GGH: variants seen among roughly 807,000 people sequenced by gnomAD.
GGH encodes the protein gamma-Glu-X carboxypeptidase.
Under a neutral mutation model 39.2 loss-of-function variants are expected in GGH, and 18 were observed. The ratio of observed to expected loss-of-function variants is 0.46; its 90% CI spans 0.32 to 0.68. The LOEUF is 0.68. GGH is among the 30% of genes least tolerant of loss of function. The pLI, the probability that GGH is intolerant of heterozygous loss-of-function variation, is 0.04. For missense variants in GGH, 367 were observed against 384.1 expected (o/e 0.96, Z 0.37); for synonymous variants, 147 against 138.8 (o/e 1.06, Z -0.42).
chr8:63,034,961 A>G (rs1447420359), intron 2 of GGH, among the ~76,000 whole-genome samples: 5 of 152,102 alleles, frequency 3.3e-5, no homozygotes, highest in African/African-American at 1.2e-4. Flanking sequence ...GAAGTCTGAG[A>G]TTTCAATGAA....
intron 8 of GGH, among the ~76,000 whole-genome samples, chr8:63,016,815 CTG>C (rs1481530119): frequency 6.6e-6 from 1 of 152,174 alleles, no homozygotes; most frequent in Non-Finnish European, 1.5e-5. Flanking sequence ...ATGAATATGT[CTG>C]TGTTTTCATC....
chr8:63,027,674 T>C (rs2129661564), intron 3 of GGH, among the ~76,000 whole-genome samples: 1 of 152,296 alleles, frequency 6.6e-6, no homozygotes, highest in South Asian at 2.1e-4. Flanking sequence ...GGGTAGGTTT[T>C]AGCTCACAAA....
At chr8:63,032,372 G>A (rs989914951) in intron 2 of GGH, among the ~76,000 whole-genome samples, 16 of 152,116 alleles carry the variant, frequency 1.1e-4, no homozygotes, top group East Asian at 3.9e-4. Context: ...AACAAAACAC[G>A]TTTTTAAACC....
Position 63,030,198 on chromosome 8 carries a change from C to T in GGH, c.244G>A (p.Asp82Asn). 1 of 1,443,130 alleles carries T rather than the reference C, an allele frequency of 6.9e-7. No individual in the cohort carries two copies. The highest frequency in any genetic ancestry group is 9.8e-7 in the Non-Finnish European group (1 of 1,025,330). 89.4% of individuals were successfully genotyped at this position (1,443,130 alleles called of 1,614,324 possible). A position where few individuals can be genotyped will look rare whatever the true frequency, so the allele number is the denominator to read the frequency against. Reference protein sequence around the residue: ...VPVRLDLTEKDYEILFKSING... With the variant: ...VPVRLDLTEKNYEILFKSING... ...ATAGATTTGAAAAGTATTTCATAGT[C>T]TTTCTCTGTAAGATCCAGCCTGAAA... The change falls in exon 3 of 9, where the codon GAC (aspartate) becomes AAC (asparagine). Residue 82 changes from aspartate to asparagine, a missense_variant. Physicochemically the swap from Asp to Asn is conservative, Grantham distance 23. Coordinates refer to ENST00000260118, the MANE Select transcript of GGH (RefSeq NM_003878.3).
chr8:63,028,711 A>C (rs1471442552), intron 3 of GGH, among the ~76,000 whole-genome samples: 1 of 152,300 alleles, frequency 6.6e-6, no homozygotes, highest in African/African-American at 2.4e-5. Context: ...CAATGCAGAA[A>C]ACGAGTGAGG....
At chr8:63,038,567 C>T (rs976998115) in intron 1 of GGH, 93 bp downstream of exon 1, 2 of 617,208 alleles carry the variant, frequency 3.2e-6, no homozygotes, top group South Asian at 5.9e-5. Flanking sequence ...TTTTTCCCGG[C>T]GGGACGCGCC....
chr8:63,021,923 C>T (rs1804594253), intron 7 of GGH, among the ~76,000 whole-genome samples: 1 of 152,148 alleles, frequency 6.6e-6, no homozygotes, highest in Non-Finnish European at 1.5e-5. Context: ...ATCTGCCTGC[C>T]TTGGTCTCTG....
rs747830409 is a variant in GGH, at chr8:63,027,218, G to A, written c.323C>T (p.Ala108Val). 1 of 1,585,894 alleles carries A rather than the reference G, an allele frequency of 6.3e-7. No homozygotes were observed. The highest frequency in any genetic ancestry group is 8.7e-7 in the Non-Finnish European group (1 of 1,154,556). ...GTTATAAAATATTTTGGCCACTTTA[G>A]CATAATCTGAGCGTCTGAGGTCAAC... is the stretch of plus-strand genomic sequence containing the variant. ...GSVDLRRSDY[A>V]KVAKIFYNLS... The change falls in exon 4 of 9, where the codon GCT becomes GTT. Residue 108 changes from alanine to valine, a missense_variant. Coordinates refer to ENST00000260118, the MANE Select transcript of GGH (RefSeq NM_003878.3).
intron 7 of GGH, among the ~76,000 whole-genome samples, chr8:63,018,526 A>G (rs1185437544): frequency 1.3e-5 from 2 of 152,204 alleles, no homozygotes; most frequent in Non-Finnish European, 2.9e-5. Flanking sequence ...TTCTGACTAG[A>G]GAGCAGGCCA....
chr8:63,024,166 A>G lies in GGH; in HGVS notation c.520T>C (p.Phe174Leu). 6.2e-7 allele frequency: 1 copy of G among 1,604,814 alleles called. No homozygotes were observed. The highest frequency in any genetic ancestry group is 8.5e-7 in the Non-Finnish European group (1 of 1,171,892). The change falls in exon 6 of 9, where the codon TTC becomes CTC. Residue 174 changes from phenylalanine (F) to leucine (L), a missense_variant. Phe to Leu is a conservative substitution (Grantham distance 22). Coordinates refer to ENST00000260118, the MANE Select transcript of GGH (RefSeq NM_003878.3). ...FTGGQLHSRM[F>L]QNFPTELLLS... is the part of the protein sequence containing the mutation. ...AACAACTCAGTAGGAAAATTCTGGAACATTCTGCTGTGCAATTGACCTGAA... is the reference window on the plus strand; with the variant it reads ...AACAACTCAGTAGGAAAATTCTGGAGCATTCTGCTGTGCAATTGACCTGAA...
intron 7 of GGH, among the ~76,000 whole-genome samples, chr8:63,019,244 G>A (rs4310197): frequency 0.12 from 18,875 of 152,194 alleles, 1,386 homozygotes; most frequent in East Asian, 0.35. Context: ...TATCTTGTTC[G>A]TGTCTTAACT....
At position 63,035,707 on chromosome 8, in the gene GGH, G is replaced by T. The variant is rs778696750; in HGVS notation, c.173C>A (p.Ala58Glu). 1 of 1,612,730 alleles carries T rather than the reference G, an allele frequency of 6.2e-7. No homozygotes were observed. Among genetic ancestry groups the T allele is most frequent in the South Asian group, 1.1e-5 (1 of 90,980 alleles). The change falls in exon 2 of 9, where the codon GCG becomes GAG. Residue 58 changes from alanine (A) to glutamate (E), a missense_variant. Coordinates refer to ENST00000260118, the MANE Select transcript of GGH (RefSeq NM_003878.3). ...MKNYGRYYIA[A>E]SYVKYLESAG... ...AGACTCCAAGTACTTTACATAGGACGCAGCAATATAGTATCTTCCATAGTT... is the reference window on the plus strand; with the variant it reads ...AGACTCCAAGTACTTTACATAGGACTCAGCAATATAGTATCTTCCATAGTT...
At chr8:63,031,957 T>C (rs554271613) in intron 2 of GGH, among the ~76,000 whole-genome samples, 2 of 152,314 alleles carry the variant, frequency 1.3e-5, no homozygotes, top group African/African-American at 2.4e-5. Flanking sequence ...TGGGGAGTGT[T>C]TGCCCCATTT....
intron 2 of GGH, among the ~76,000 whole-genome samples, chr8:63,033,285 T>C (rs894378562): frequency 1.4e-4 from 21 of 152,336 alleles, no homozygotes; most frequent in Non-Finnish European, 2.9e-4. Context: ...CTTGGAATTG[T>C]ACTGTCTTCA....
rs2305558 is a variant in GGH, at chr8:63,027,280, C to T, written c.276-15G>A. The T allele has an allele frequency of 0.11, 163,245 of 1,485,912 alleles. 11,451 individuals carry two copies. Among genetic ancestry groups the T allele is most frequent in the East Asian group, 0.35 (15,616 of 44,232 alleles). The allele number at this position is 1,485,912 out of a possible 1,614,324, so 92.0% of individuals were successfully genotyped here. ...GGAAAAGGATTCTGAAACAACGTTA[C>T]ATAAATCAAATAGGGTGTATTTTGC... On this transcript the variant is annotated splice_polypyrimidine_tract_variant and intron_variant, in intron 3 of 8. Coordinates refer to ENST00000260118, the MANE Select transcript of GGH (RefSeq NM_003878.3).
intron 7 of GGH, among the ~76,000 whole-genome samples, chr8:63,020,888 GA>G (rs1804572850): frequency 6.6e-6 from 1 of 152,202 alleles, no homozygotes; most frequent in African/African-American, 2.4e-5. Flanking sequence ...TGGGTGGCTG[GA>G]AGATGGGTTT....
intron 2 of GGH, among the ~76,000 whole-genome samples, chr8:63,031,886 A>G (rs1804813012): frequency 6.6e-6 from 1 of 152,222 alleles, no homozygotes; most frequent in African/African-American, 2.4e-5. Flanking sequence ...AAGCCTGGTG[A>G]TGATGGCAAA....
At chr8:63,019,801 A>G (rs1585666062) in intron 7 of GGH, among the ~76,000 whole-genome samples, 1 of 152,210 alleles carries the variant, frequency 6.6e-6, no homozygotes. Flanking sequence ...TTTAGTGAGC[A>G]TTTTGATGGG....
chr8:63,023,096 T>G (rs1326686214), intron 7 of GGH, among the ~76,000 whole-genome samples: 1 of 152,192 alleles, frequency 6.6e-6, no homozygotes, highest in Admixed American at 6.5e-5. Flanking sequence ...AAGCCTGGGA[T>G]GAATGTCTGG....
Sources: gnomAD v4.1 joint callset for allele counts (sites outside exome capture counted in the v4.1 genomes callset) on GRCh38, gnomAD v4.1.1 for gene constraint, MANE v1.5 for transcripts, NCBI Gene and HGNC (gene_info 2026-07-23, HGNC 2026-07-21) for gene names.